The following PTPRD variants were observed in gnomAD, a reference collection of about 807,000 sequenced individuals.
PTPRD encodes protein tyrosine phosphatase receptor type D, also known as receptor-type tyrosine-protein phosphatase delta.
In PTPRD, 34 loss-of-function variants were observed where a neutral mutation model predicts 214.5. The ratio of observed to expected loss-of-function variants is 0.16; its 90% CI spans 0.12 to 0.21. PTPRD has a LOEUF of 0.21. PTPRD is among the 10% of genes least tolerant of loss of function. The pLI, the probability that PTPRD is intolerant of heterozygous loss-of-function variation, is 1.00. For synonymous variants in PTPRD, 1,128 were observed against 845.7 expected (o/e 1.33, Z -5.79); for missense variants, 2,545 against 2,398.7 (o/e 1.06, Z -1.27).
At chr9:8,627,938 C>T (rs926668632) in intron 14 of PTPRD, among the ~76,000 whole-genome samples, 2 of 152,022 alleles carry the variant, frequency 1.3e-5, no homozygotes, top group African/African-American at 4.8e-5. Context: ...GAGGTACACA[C>T]GAAAGCTTTA....
At chr9:8,907,761 G>C (rs1470076343) in intron 11 of PTPRD, among the ~76,000 whole-genome samples, 1 of 151,928 alleles carries the variant, frequency 6.6e-6, no homozygotes, top group Non-Finnish European at 1.5e-5. Flanking sequence ...TCAATCTTAA[G>C]AGCAGAGAAT....
rs1052627601 is a variant in PTPRD at position 10,348,845 on chromosome 9, T to C, written c.-599-7828A>G. The stretch of plus-strand genomic sequence containing the variant: ...CTGCTATTTTGATCCCTAAATAAGA[T>C]GGCTACAAAGATGAAAAGCTATATA... On this transcript the variant is annotated intron_variant, in intron 2 of 45. Transcript: ENST00000381196. Among the ~76,000 whole-genome samples the C allele has an allele frequency of 2.0e-5, 3 of 152,266 alleles. No individual in the cohort carries two copies. In the South Asian group the frequency reaches 6.2e-4, roughly 32 times the overall value.
intron 8 of PTPRD, among the ~76,000 whole-genome samples, chr9:9,473,506 G>A (rs1396495464): frequency 1.3e-5 from 2 of 152,110 alleles, no homozygotes; most frequent in Non-Finnish European, 2.9e-5. Flanking sequence ...GATTGCTGGA[G>A]TGCATGGTAT....
chr9:10,552,122 G>T (rs1046602070), intron 2 of PTPRD, among the ~76,000 whole-genome samples: 2 of 152,058 alleles, frequency 1.3e-5, no homozygotes, highest in African/African-American at 2.4e-5. Flanking sequence ...GTACAATTTT[G>T]CAGTCATTTC....
intron 7 of PTPRD, among the ~76,000 whole-genome samples, chr9:9,661,242 C>A (rs1383923590): frequency 6.6e-6 from 1 of 151,780 alleles, no homozygotes; most frequent in African/African-American, 2.4e-5. Flanking sequence ...AATTAAGACT[C>A]GATTTTCAAT....
chr9:8,431,730 T>C (rs1488809892), intron 35 of PTPRD, among the ~76,000 whole-genome samples: 2 of 152,188 alleles, frequency 1.3e-5, no homozygotes, highest in Non-Finnish European at 2.9e-5. Flanking sequence ...AAAATGCAGA[T>C]TTGTGGATAC....
At chr9:10,352,841 A>G (rs1319555152) in intron 2 of PTPRD, among the ~76,000 whole-genome samples, 2 of 152,046 alleles carry the variant, frequency 1.3e-5, no homozygotes, top group Admixed American at 6.5e-5. Context: ...TTTTATCTAG[A>G]GAAATCCTCA....
chr9:9,211,838 T>C (rs1323295293), intron 9 of PTPRD, among the ~76,000 whole-genome samples: 1 of 152,084 alleles, frequency 6.6e-6, no homozygotes, highest in East Asian at 1.9e-4. Context: ...TAAAGAACTT[T>C]ATTTTCAGCC....
At chr9:9,737,827 T>A (rs1024672904) in intron 6 of PTPRD, among the ~76,000 whole-genome samples, 2 of 152,260 alleles carry the variant, frequency 1.3e-5, no homozygotes, top group Non-Finnish European at 2.9e-5. Context: ...TGAACATTTG[T>A]TTACAGTCCT....
chr9:10,309,197 A>G (rs1160466597), intron 3 of PTPRD, among the ~76,000 whole-genome samples: 1 of 152,078 alleles, frequency 6.6e-6, no homozygotes, highest in Non-Finnish European at 1.5e-5. Context: ...ATTGAAGAGA[A>G]CTAAGGATGA....
At chr9:9,945,333 G>C (rs1566595700) in intron 4 of PTPRD, among the ~76,000 whole-genome samples, 1 of 152,106 alleles carries the variant, frequency 6.6e-6, no homozygotes. Context: ...TAAACATAGA[G>C]ATCACATGAG....
chr9:9,816,588 C>G (rs2048845687), intron 5 of PTPRD, among the ~76,000 whole-genome samples: 1 of 151,826 alleles, frequency 6.6e-6, no homozygotes, highest in African/African-American at 2.4e-5. Flanking sequence ...TTCCTGTTAA[C>G]ATATTTAAAG....
intron 11 of PTPRD, among the ~76,000 whole-genome samples, chr9:8,776,349 C>G (rs919683828): frequency 2.0e-5 from 3 of 152,136 alleles, no homozygotes; most frequent in African/African-American, 7.2e-5. Context: ...ATCGCCCAGG[C>G]TGGAGTGCAA....
intron 7 of PTPRD, among the ~76,000 whole-genome samples, chr9:9,601,534 T>G (rs1370458546): frequency 6.6e-6 from 1 of 152,084 alleles, no homozygotes; most frequent in Non-Finnish European, 1.5e-5. Flanking sequence ...GAACAATCTA[T>G]TATTTTTGGA....
At chr9:9,532,112 A>C (rs1260373292) in intron 8 of PTPRD, among the ~76,000 whole-genome samples, 3 of 152,122 alleles carry the variant, frequency 2.0e-5, no homozygotes, top group Non-Finnish European at 4.4e-5. Context: ...ACCTTAAAAA[A>C]ATTAAAATCT....
intron 8 of PTPRD, among the ~76,000 whole-genome samples, chr9:9,447,686 C>A (rs2090906145): frequency 6.6e-6 from 1 of 152,030 alleles, no homozygotes; most frequent in Admixed American, 6.6e-5. Flanking sequence ...AAATTTAGTT[C>A]TCAAGGGACT....
intron 8 of PTPRD, among the ~76,000 whole-genome samples, chr9:9,559,462 T>G (rs1402823429): frequency 6.6e-6 from 1 of 152,246 alleles, no homozygotes; most frequent in Non-Finnish European, 1.5e-5. Context: ...TGTGGTCACA[T>G]GCACATTCAG....
intron 11 of PTPRD, among the ~76,000 whole-genome samples, chr9:8,750,301 G>T (rs1283879525): frequency 6.6e-6 from 1 of 151,866 alleles, no homozygotes; most frequent in East Asian, 2.0e-4. Context: ...GGGACTACAG[G>T]CGCGGGCCAC....
intron 2 of PTPRD, among the ~76,000 whole-genome samples, chr9:10,365,778 AAAT>A (rs1251484075): frequency 6.6e-6 from 1 of 152,128 alleles, no homozygotes; most frequent in Non-Finnish European, 1.5e-5. Flanking sequence ...TTAATACTAC[AAAT>A]AATATTAATT....
Sources: gnomAD v4.1 joint callset for allele counts (sites outside exome capture counted in the v4.1 genomes callset) on GRCh38, gnomAD v4.1.1 for gene constraint, MANE v1.5 for transcripts, NCBI Gene and HGNC (gene_info 2026-07-23, HGNC 2026-07-21) for gene names.